EBF2: variants seen among roughly 807,000 people sequenced by gnomAD.
EBF2 encodes EBF transcription factor 2, also known as transcription factor COE2.
A neutral mutation model predicts 72.8 loss-of-function variants in EBF2; 21 were observed. The ratio of observed to expected loss-of-function variants is 0.29; its 90% CI spans 0.20 to 0.42. The LOEUF is 0.42. EBF2 is among the 10% of genes least tolerant of loss of function. The pLI is 1.00. For missense variants in EBF2, 637 were observed against 731.2 expected, an observed-to-expected ratio of 0.87 and a Z score of 1.49; for synonymous variants, 299 against 274.2, an observed-to-expected ratio of 1.09 and a Z score of -0.89.
intron 6 of EBF2, among the ~76,000 whole-genome samples, chr8:25,965,980 G>A (rs1804108686): frequency 6.6e-6 from 1 of 152,194 alleles, no homozygotes; most frequent in African/African-American, 2.4e-5. Context: ...CTATGAACAA[G>A]GAATCTCTCA....
chr8:25,987,365 C>T (rs1804477930), intron 6 of EBF2, among the ~76,000 whole-genome samples: 1 of 152,178 alleles, frequency 6.6e-6, no homozygotes, highest in Admixed American at 6.5e-5. Context: ...CAGAGAGGCT[C>T]AGTAGCTTGC....
At chr8:25,991,896 C>T (rs186386182) in intron 6 of EBF2, among the ~76,000 whole-genome samples, 84 of 152,082 alleles carry the variant, frequency 5.5e-4, no homozygotes, top group African/African-American at 1.9e-3. Flanking sequence ...TTCACAACCA[C>T]TTCATTCATG....
intron 15 of EBF2, among the ~76,000 whole-genome samples, chr8:25,846,155 G>A (rs1801828563): frequency 6.6e-6 from 1 of 152,152 alleles, no homozygotes; most frequent in Admixed American, 6.5e-5. Context: ...AATAAAGGCG[G>A]TTCAATTCTG....
intron 15 of EBF2, among the ~76,000 whole-genome samples, chr8:25,845,263 T>C (rs949925004): frequency 6.6e-6 from 1 of 152,198 alleles, no homozygotes; most frequent in Non-Finnish European, 1.5e-5. Context: ...AGGTGGAATC[T>C]TGTTCTGTCA....
intron 6 of EBF2, among the ~76,000 whole-genome samples, chr8:26,013,401 T>C (rs1422233750): frequency 6.6e-6 from 1 of 152,154 alleles, no homozygotes; most frequent in Non-Finnish European, 1.5e-5. Context: ...CTTTAACTAA[T>C]ACTTGCTGGG....
rs1206152855 is a variant in EBF2, at chr8:26,032,133, G to A, written c.551+952C>T. Reference sequence around the variant, plus strand: ...CATTATATTATTGAAGAACAAAGATGCTGAGTGCTTTGTCCAAGGTCAGAA... The same window carrying A: ...CATTATATTATTGAAGAACAAAGATACTGAGTGCTTTGTCCAAGGTCAGAA... On this transcript the variant is annotated intron_variant, in intron 6 of 15. Transcript: ENST00000520164. The A allele has an allele frequency of 2.6e-5, 4 of 152,204 alleles. No individual in the cohort carries two copies. The East Asian group carries it at 7.7e-4, about 29-fold the overall frequency. The allele number at this position is 152,204 out of a possible 1,614,324, so 9.4% of individuals were successfully genotyped here. A position where few individuals can be genotyped will look rare whatever the true frequency, so the allele number is the denominator to read the frequency against.
intron 6 of EBF2, among the ~76,000 whole-genome samples, chr8:26,003,269 C>G (rs1209608563): frequency 6.6e-6 from 1 of 152,084 alleles, no homozygotes; most frequent in Non-Finnish European, 1.5e-5. Flanking sequence ...CTTCTAGGCC[C>G]TTTTAGAAAG....
At chr8:25,998,056 G>A (rs1254961084) in intron 6 of EBF2, among the ~76,000 whole-genome samples, 1 of 152,024 alleles carries the variant, frequency 6.6e-6, no homozygotes, top group Non-Finnish European at 1.5e-5. Flanking sequence ...AAACAAAATA[G>A]ACTAAAAAAT....
At chr8:25,958,804 CAGG>C (rs1443856472) in intron 6 of EBF2, among the ~76,000 whole-genome samples, 1 of 152,212 alleles carries the variant, frequency 6.6e-6, no homozygotes, top group Non-Finnish European at 1.5e-5. Flanking sequence ...CACTAAGGCC[CAGG>C]AGAACTTTTC....
At chr8:26,017,802 A>G (rs1805136334) in intron 6 of EBF2, among the ~76,000 whole-genome samples, 1 of 152,192 alleles carries the variant, frequency 6.6e-6, no homozygotes, top group Admixed American at 6.5e-5. Context: ...AACGCCAGCC[A>G]ATCTCTTTTG....
At chr8:26,017,125 T>C (rs1380091347) in intron 6 of EBF2, among the ~76,000 whole-genome samples, 1 of 149,940 alleles carries the variant, frequency 6.7e-6, no homozygotes, top group Admixed American at 6.7e-5. Flanking sequence ...ATCTTTTACG[T>C]GTGTGTTTTG....
chr8:25,878,906 AT>A (rs1315457662), intron 10 of EBF2, among the ~76,000 whole-genome samples: 7 of 152,202 alleles, frequency 4.6e-5, no homozygotes, highest in Non-Finnish European at 1.0e-4. Context: ...CAGGCTGGAA[AT>A]ACTTTGTACC....
intron 6 of EBF2, chr8:26,031,854 C>T (rs1397516679): frequency 6.6e-6 from 1 of 152,170 alleles, no homozygotes; most frequent in African/African-American, 2.4e-5. Context: ...AAATGACTGA[C>T]TCCAAAGAGT....
intron 14 of EBF2, among the ~76,000 whole-genome samples, chr8:25,857,606 T>C (rs1802120406): frequency 6.6e-6 from 1 of 152,186 alleles, no homozygotes; most frequent in Non-Finnish European, 1.5e-5. Flanking sequence ...CTGGGAGCAT[T>C]GTGTAACTTC....
intron 7 of EBF2, among the ~76,000 whole-genome samples, chr8:25,906,054 C>A (rs1803026465): frequency 6.6e-6 from 1 of 152,172 alleles, no homozygotes; most frequent in Admixed American, 6.5e-5. Flanking sequence ...ATGAAAACCC[C>A]ATTTAAGTAA....
At chr8:25,902,041 G>C (rs1314290690) in intron 7 of EBF2, among the ~76,000 whole-genome samples, 1 of 152,146 alleles carries the variant, frequency 6.6e-6, no homozygotes, top group African/African-American at 2.4e-5. Context: ...ATAAATGAAT[G>C]AGTACCTCTA....
At chr8:25,968,860 G>A (rs1404465380) in intron 6 of EBF2, among the ~76,000 whole-genome samples, 2 of 152,160 alleles carry the variant, frequency 1.3e-5, no homozygotes, top group Admixed American at 1.3e-4. Flanking sequence ...GCCCCGCAGA[G>A]TGTCAGTTTT....
At chr8:25,901,131 A>G (rs1802944924) in intron 7 of EBF2, among the ~76,000 whole-genome samples, 1 of 152,188 alleles carries the variant, frequency 6.6e-6, no homozygotes. Flanking sequence ...AATAAAAAAA[A>G]TTTAGGCTGG....
chr8:25,870,473 A>G (rs1009854506), intron 10 of EBF2, among the ~76,000 whole-genome samples: 1 of 152,086 alleles, frequency 6.6e-6, no homozygotes, highest in Non-Finnish European at 1.5e-5. Flanking sequence ...GCCTCTCCCA[A>G]GAGCATTTTT....
Sources: allele counts gnomAD v4.1 joint callset (sites outside exome capture counted in the v4.1 genomes callset), GRCh38; gene constraint gnomAD v4.1.1; transcripts MANE v1.5; gene names NCBI Gene and HGNC (gene_info 2026-07-23, HGNC 2026-07-21).